EPB41L2: variants seen among roughly 807,000 people sequenced by gnomAD.
EPB41L2 encodes band 4.1-like protein 2.
A neutral mutation model predicts 113.0 loss-of-function variants in EPB41L2; 43 were observed. The observed-to-expected ratio is 0.38, with a 90% CI of 0.30 to 0.49. The LOEUF is 0.49. EPB41L2 is among the 20% of genes least tolerant of loss of function. EPB41L2 has a pLI of 0.95. For missense variants in EPB41L2, 1,147 were observed against 1,223.4 expected (o/e 0.94, Z 0.93); for synonymous variants, 442 against 436.7 (o/e 1.01, Z -0.15).
At chr6:130,973,833 CTG>C (rs533310722) in intron 1 of EPB41L2, among the ~76,000 whole-genome samples, 237 of 152,324 alleles carry the variant, frequency 1.6e-3, no homozygotes, top group Non-Finnish European at 3.0e-3. Context: ...TAAAACCAAA[CTG>C]TGCTCTGACC....
chr6:130,979,295 G>A (rs1424261605), intron 1 of EPB41L2, among the ~76,000 whole-genome samples: 1 of 151,832 alleles, frequency 6.6e-6, no homozygotes, highest in South Asian at 2.1e-4. Flanking sequence ...AGACCAGCCT[G>A]GCCAACATAG....
intron 14 of EPB41L2, 188 bp from the exon 15 acceptor site, chr6:130,870,314 A>G: frequency 3.2e-6 from 5 of 1,550,610 alleles, no homozygotes; most frequent in Non-Finnish European, 4.4e-6. Flanking sequence ...GTTAACATGG[A>G]AAAAGGGGAG....
intron 18 of EPB41L2, among the ~76,000 whole-genome samples, chr6:130,861,938 A>C (rs538321561): frequency 5.3e-5 from 8 of 152,074 alleles, no homozygotes; most frequent in African/African-American, 1.9e-4. Context: ...TGTTCTCTTC[A>C]TTTGGATATC....
chr6:131,024,925 T>TC (rs1418258461), intron 1 of EPB41L2, among the ~76,000 whole-genome samples: 3 of 152,214 alleles, frequency 2.0e-5, no homozygotes, highest in Admixed American at 2.0e-4. Flanking sequence ...TTCCCTTAAT[T>TC]CCCTTTATTC....
At chr6:131,030,617 T>C (rs911799664) in intron 1 of EPB41L2, among the ~76,000 whole-genome samples, 1 of 152,224 alleles carries the variant, frequency 6.6e-6, no homozygotes, top group Non-Finnish European at 1.5e-5. Context: ...ATTTTCTTAA[T>C]CTGAATTAAG....
chr6:131,034,930 C>T (rs946730149), intron 1 of EPB41L2, among the ~76,000 whole-genome samples: 9 of 152,154 alleles, frequency 5.9e-5, no homozygotes, highest in Non-Finnish European at 1.0e-4. Context: ...AAGGGTTTCA[C>T]TTTCCTAACA....
At chr6:131,018,016 A>C (rs943892081) in intron 1 of EPB41L2, among the ~76,000 whole-genome samples, 4 of 152,096 alleles carry the variant, frequency 2.6e-5, no homozygotes, top group African/African-American at 7.2e-5. Flanking sequence ...TAGATTTTTA[A>C]TCCTTGTAGC....
chr6:130,961,210 T>C (rs1369919765), intron 1 of EPB41L2, among the ~76,000 whole-genome samples: 1 of 152,212 alleles, frequency 6.6e-6, no homozygotes, highest in South Asian at 2.1e-4. Flanking sequence ...TCTTTCTACT[T>C]ATCATCAACT....
chr6:130,985,912 C>CA (rs1780439674), intron 1 of EPB41L2, among the ~76,000 whole-genome samples: 1 of 152,028 alleles, frequency 6.6e-6, no homozygotes, highest in African/African-American at 2.4e-5. Flanking sequence ...GGTGTACAAC[C>CA]AGCACCACAA....
chr6:131,061,554 G>GC (rs1200229345), intron 1 of EPB41L2, among the ~76,000 whole-genome samples: 1 of 152,140 alleles, frequency 6.6e-6, no homozygotes, highest in Non-Finnish European at 1.5e-5. Context: ...ATCAGTGGCT[G>GC]CAACAGCCAC....
At chr6:130,918,049 A>G (rs560216204) in intron 4 of EPB41L2, among the ~76,000 whole-genome samples, 2 of 152,302 alleles carry the variant, frequency 1.3e-5, no homozygotes, top group African/African-American at 4.8e-5. Flanking sequence ...GTTTAAGAGA[A>G]CTCTACCATA....
At chr6:130,920,191 C>T (rs2128538143) in intron 4 of EPB41L2, among the ~76,000 whole-genome samples, 1 of 152,334 alleles carries the variant, frequency 6.6e-6, no homozygotes, top group South Asian at 2.1e-4. Context: ...TCTCAGTCAA[C>T]TGTCACCACT....
At position 130,878,236 on chromosome 6, in the gene EPB41L2, G is replaced by C; in HGVS notation, c.1911C>G (p.Ala637=). 6.2e-7 allele frequency: 1 copy of C among 1,610,806 alleles called. No homozygotes were observed. The highest frequency in any genetic ancestry group is 1.7e-4 in the Middle Eastern group (1 of 6,046). ...CCTGATGTTTCAGTATGTCCTCCTGGGCCTTATCCAGTTCCTAGCAATATG... is the reference window on the plus strand; with the variant it reads ...CCTGATGTTTCAGTATGTCCTCCTGCGCCTTATCCAGTTCCTAGCAATATG... ...SNLMLEELDK[A]QEDILKHQAS... The change falls in exon 14 of 20, where the codon GCC becomes GCG. Residue 637 remains alanine (A), a synonymous_variant. Transcript: ENST00000337057.
chr6:131,044,308 G>A (rs1205409416), intron 1 of EPB41L2, among the ~76,000 whole-genome samples: 1 of 151,906 alleles, frequency 6.6e-6, no homozygotes, highest in African/African-American at 2.4e-5. Context: ...TCACAGGCAT[G>A]AGCCACAGCA....
chr6:130,851,340 C>T (rs1778731244), intron 19 of EPB41L2, among the ~76,000 whole-genome samples: 1 of 152,194 alleles, frequency 6.6e-6, no homozygotes, highest in South Asian at 2.1e-4. Context: ...TGAAACCCTG[C>T]ACATCACCCT....
At chr6:130,882,664 C>A (rs76557359) in intron 12 of EPB41L2, 7,430 of 152,852 alleles carry the variant, frequency 0.049, 313 homozygotes, top group African/African-American at 0.11. Context: ...GAGAAGCAGA[C>A]AGAAGTAGCC....
intron 4 of EPB41L2, among the ~76,000 whole-genome samples, chr6:130,917,566 T>C (rs1801518159): frequency 6.6e-6 from 1 of 151,800 alleles, no homozygotes; most frequent in African/African-American, 2.4e-5. Flanking sequence ...CTCTTATTAG[T>C]TTCCCATCTA....
chr6:130,844,168 A>G (rs1174825441), intron 19 of EPB41L2, among the ~76,000 whole-genome samples: 6 of 152,240 alleles, frequency 3.9e-5, no homozygotes, highest in African/African-American at 1.4e-4. Flanking sequence ...AGATAATACA[A>G]CAATGCAAAT....
At chr6:130,994,249 G>A (rs1782552385) in intron 1 of EPB41L2, among the ~76,000 whole-genome samples, 1 of 152,144 alleles carries the variant, frequency 6.6e-6, no homozygotes, top group Non-Finnish European at 1.5e-5. Flanking sequence ...GTGCATGAAG[G>A]AACCAGGGGC....
Sources: allele counts gnomAD v4.1 joint callset (sites outside exome capture counted in the v4.1 genomes callset), GRCh38; gene constraint gnomAD v4.1.1; transcripts MANE v1.5; gene names NCBI Gene and HGNC (gene_info 2026-07-23, HGNC 2026-07-21).